GSK3B: variants seen among roughly 807,000 people sequenced by gnomAD.
The protein encoded by GSK3B is glycogen synthase kinase-3 beta.
GSK3B carries 15 observed loss-of-function variants against 56.4 expected under a neutral mutation model. The observed-to-expected ratio is 0.27, with a 90% CI of 0.18 to 0.41. GSK3B has a LOEUF of 0.41. Among genes scored for constraint, GSK3B ranks in the 10% least tolerant of loss-of-function variants. The pLI is 1.00. For synonymous variants in GSK3B, 181 were observed against 188.9 expected (o/e 0.96, Z 0.34); for missense variants, 300 against 513.4 (o/e 0.58, Z 4.02).
intron 8 of GSK3B, among the ~76,000 whole-genome samples, chr3:119,869,610 T>G (rs972977403): frequency 6.6e-6 from 1 of 152,220 alleles, no homozygotes; most frequent in Non-Finnish European, 1.5e-5. Flanking sequence ...TATCGAGTTT[T>G]CCCAAGTTCT....
intron 1 of GSK3B, among the ~76,000 whole-genome samples, chr3:120,069,355 T>C (rs1051480326): frequency 3.9e-5 from 6 of 152,144 alleles, no homozygotes; most frequent in African/African-American, 1.4e-4. Flanking sequence ...TTGAGAAGAA[T>C]AAAAACTAAA....
intron 2 of GSK3B, among the ~76,000 whole-genome samples, chr3:119,997,265 T>C (rs1339375693): frequency 6.6e-6 from 1 of 152,086 alleles, no homozygotes; most frequent in Non-Finnish European, 1.5e-5. Context: ...GGAGGCAGTG[T>C]TCAAATGCCT....
At chr3:120,019,041 A>G (rs747556382) in intron 1 of GSK3B, among the ~76,000 whole-genome samples, 2 of 152,140 alleles carry the variant, frequency 1.3e-5, no homozygotes, top group Non-Finnish European at 2.9e-5. Flanking sequence ...TCTAATCAAT[A>G]AACAAACAAA....
chr3:119,978,239 C>T (rs1050779170), intron 2 of GSK3B, among the ~76,000 whole-genome samples: 53 of 152,064 alleles, frequency 3.5e-4, no homozygotes, highest in Non-Finnish European at 1.5e-4. Context: ...AAAATAAACC[C>T]CTCTCTGGGC....
intron 10 of GSK3B, among the ~76,000 whole-genome samples, chr3:119,840,382 G>A (rs187488135): frequency 6.6e-6 from 1 of 152,070 alleles, no homozygotes; most frequent in African/African-American, 2.4e-5. Flanking sequence ...GCATCACCAC[G>A]TCCGGCTAAT....
chr3:120,093,015 G>C (rs573251844), intron 1 of GSK3B, among the ~76,000 whole-genome samples: 10 of 152,226 alleles, frequency 6.6e-5, no homozygotes, highest in Middle Eastern at 3.4e-3. Flanking sequence ...CTAAAGGATG[G>C]GCAAGTAAAC....
chr3:119,842,992 T>G (rs1192021499), intron 10 of GSK3B, among the ~76,000 whole-genome samples: 2 of 152,130 alleles, frequency 1.3e-5, no homozygotes, highest in South Asian at 4.1e-4. Context: ...CTCGGCTCAA[T>G]GCAACCTCCG....
At chr3:120,022,753 A>T (rs1231090012) in intron 1 of GSK3B, among the ~76,000 whole-genome samples, 1 of 152,252 alleles carries the variant, frequency 6.6e-6, no homozygotes, top group Non-Finnish European at 1.5e-5. Context: ...CTCTACTAGA[A>T]GAGATGCTAA....
At chr3:119,979,042 A>G (rs886297416) in intron 2 of GSK3B, among the ~76,000 whole-genome samples, 3 of 152,192 alleles carry the variant, frequency 2.0e-5, no homozygotes, top group African/African-American at 7.2e-5. Flanking sequence ...CGGTCTCTCC[A>G]CTGTGCTGTC....
chr3:119,915,692 T>A (rs2056773775), intron 5 of GSK3B, among the ~76,000 whole-genome samples: 1 of 152,152 alleles, frequency 6.6e-6, no homozygotes, highest in Admixed American at 6.6e-5. Flanking sequence ...TGCCTCATTC[T>A]TTTTCATGGT....
intron 1 of GSK3B, among the ~76,000 whole-genome samples, chr3:120,072,676 T>C (rs532569182): frequency 2.6e-5 from 4 of 152,336 alleles, no homozygotes; most frequent in South Asian, 2.1e-4. Flanking sequence ...TTGGTCTCTA[T>C]ATTTAAGATT....
At position 120,088,746 on chromosome 3, in the gene GSK3B, T is replaced by G. The variant is rs570352040; in HGVS notation, c.88+4601A>C. Among the ~76,000 whole-genome samples the G allele has an allele frequency of 2.6e-5, 4 of 152,390 alleles. No homozygotes were observed. The South Asian group carries it at 8.3e-4, about 32-fold the overall frequency. On this transcript the variant is annotated intron_variant, in intron 1 of 10. Transcript: ENST00000264235. ...AATATCCGGGGAACCCGGTTGGTCC[T>G]GTTAGTACCAACACACACTCTTGTC...
At chr3:119,894,225 A>C (rs1291716428) in intron 7 of GSK3B, among the ~76,000 whole-genome samples, 1 of 152,072 alleles carries the variant, frequency 6.6e-6, no homozygotes, top group Non-Finnish European at 1.5e-5. Flanking sequence ...ACATTGCTAT[A>C]AACTTTGCGT....
At chr3:119,995,592 C>T (rs1296150199) in intron 2 of GSK3B, among the ~76,000 whole-genome samples, 1 of 150,060 alleles carries the variant, frequency 6.7e-6, no homozygotes, top group African/African-American at 2.5e-5. Context: ...AGTCACCGTG[C>T]CCAGCTAATT....
intron 2 of GSK3B, among the ~76,000 whole-genome samples, chr3:119,963,608 G>A (rs1407895799): frequency 2.7e-5 from 3 of 109,886 alleles, no homozygotes; most frequent in African/African-American, 1.1e-4. Flanking sequence ...ACAGAGTAGA[G>A]ACTGTCTTCT....
At chr3:119,999,364 C>T (rs755683759) in intron 2 of GSK3B, among the ~76,000 whole-genome samples, 6 of 152,182 alleles carry the variant, frequency 3.9e-5, no homozygotes, top group Non-Finnish European at 8.8e-5. Context: ...CGAATCCTTG[C>T]TCATCCATCC....
chr3:119,909,281 G>A (rs1018228425), intron 6 of GSK3B, among the ~76,000 whole-genome samples: 3 of 152,156 alleles, frequency 2.0e-5, no homozygotes, highest in Non-Finnish European at 4.4e-5. Context: ...AAAGTGCTGG[G>A]ATTACAGGTG....
chr3:119,963,879 AAAGATTTAAACATAAGATCT>A (rs2057296248), intron 2 of GSK3B, among the ~76,000 whole-genome samples: 1 of 152,296 alleles, frequency 6.6e-6, no homozygotes, highest in East Asian at 1.9e-4. Flanking sequence ...AAAATGGATT[AAAGATTTAAACATAAGATCT>A]GAAAACGTAG....
At chr3:120,000,820 GC>G (rs1180659652) in intron 2 of GSK3B, among the ~76,000 whole-genome samples, 4 of 83,330 alleles carry the variant, frequency 4.8e-5, no homozygotes, top group Admixed American at 1.1e-4. Context: ...AGGGAAGATA[GC>G]AAAAAAAAAA....
Sources: gnomAD v4.1 joint callset for allele counts (sites outside exome capture counted in the v4.1 genomes callset) on GRCh38, gnomAD v4.1.1 for gene constraint, MANE v1.5 for transcripts, NCBI Gene and HGNC (gene_info 2026-07-23, HGNC 2026-07-21) for gene names.